Variants in PRDM6 observed in about 807,000 individuals in gnomAD.
The protein encoded by PRDM6 is PR/SET domain 6, also known as putative histone-lysine N-methyltransferase PRDM6.
Under a neutral mutation model 60.8 loss-of-function variants are expected in PRDM6, and 25 were observed. The ratio of observed to expected loss-of-function variants is 0.41; its 90% confidence interval spans 0.30 to 0.57. PRDM6 has a LOEUF of 0.57. PRDM6 is among the 20% of genes least tolerant of loss of function. The probability of loss-of-function intolerance (pLI) is 0.27; values close to 1 mark genes in which losing one functional copy is unlikely to be tolerated. For synonymous variants in PRDM6, 407 were observed against 357.4 expected (o/e 1.14, Z -1.57); for missense variants, 839 against 821.3 (o/e 1.02, Z -0.26).
At chr5:123,103,666 A>G (rs962832790) in intron 3 of PRDM6, among the ~76,000 whole-genome samples, 2 of 152,156 alleles carry the variant, frequency 1.3e-5, no homozygotes, top group South Asian at 2.1e-4. Context: ...ATCTAGTTGC[A>G]CACGGTTTCC....
At chr5:123,154,586 C>G (rs1459461826) in intron 3 of PRDM6, among the ~76,000 whole-genome samples, 2 of 152,152 alleles carry the variant, frequency 1.3e-5, no homozygotes, top group Non-Finnish European at 2.9e-5. Context: ...ACTGTCATCA[C>G]TAAGCCCGTT....
At chr5:123,181,198 G>T (rs926228560) in intron 7 of PRDM6, among the ~76,000 whole-genome samples, 1 of 152,152 alleles carries the variant, frequency 6.6e-6, no homozygotes, top group African/African-American at 2.4e-5. Flanking sequence ...GAGATACAAA[G>T]GTGAATGACA....
chr5:123,148,338 T>C (rs931072025), intron 3 of PRDM6, among the ~76,000 whole-genome samples: 2 of 152,208 alleles, frequency 1.3e-5, no homozygotes, highest in African/African-American at 4.8e-5. Context: ...TGAAGCCACA[T>C]TTTAGAATCT....
chr5:123,099,895 A>G lies in PRDM6; in HGVS notation c.834A>G (p.Gln278=), dbSNP rs2150207928. ...AAGGCACCTGGATTGGACCTTTCCA[A>G]GGCGTGCTTCTGCCCCCAGAGAAGG... ...IQQGTWIGPF[Q]GVLLPPEKVQ... is the part of the protein sequence containing the mutation. The change falls in exon 3 of 8, where the codon CAA becomes CAG. Residue 278 remains glutamine (Q), a synonymous_variant. Coordinates refer to ENST00000407847, the MANE Select transcript of PRDM6 (RefSeq NM_001136239.4). The surrounding 1 kb of genome is among the most constrained non-coding windows in gnomAD (Gnocchi z 4.0). 1 of 1,549,052 alleles carries G rather than the reference A, an allele frequency of 6.5e-7. No homozygotes were observed. Among genetic ancestry groups the G allele is most frequent in the East Asian group, 2.4e-5 (1 of 40,858 alleles).
chr5:123,155,754 C>A, intron 3 of PRDM6, 130 bp from the exon 4 acceptor site: 2 of 951,438 alleles, frequency 2.1e-6, no homozygotes, highest in Non-Finnish European at 3.0e-6. Context: ...TGTCCACAAG[C>A]ATCAATAAGC....
chr5:123,103,213 G>A (rs903969760), intron 3 of PRDM6, among the ~76,000 whole-genome samples: 1 of 150,982 alleles, frequency 6.6e-6, no homozygotes, highest in African/African-American at 2.4e-5. Context: ...TTCTTTTTTT[G>A]CAATAAGCCA....
intron 6 of PRDM6, among the ~76,000 whole-genome samples, chr5:123,175,615 C>T (rs9327286): frequency 0.3 from 45,615 of 151,996 alleles, 7,173 homozygotes; most frequent in East Asian, 0.59. Context: ...GTTCTTTTCT[C>T]ACTCCACCCA....
At chr5:123,138,451 T>C (rs753804319) in intron 3 of PRDM6, among the ~76,000 whole-genome samples, 1 of 152,256 alleles carries the variant, frequency 6.6e-6, no homozygotes, top group Non-Finnish European at 1.5e-5. Flanking sequence ...ACCTATATAA[T>C]CTCTGCTCTT....
chr5:123,098,934 G>T (rs1764028072), intron 2 of PRDM6, among the ~76,000 whole-genome samples: 2 of 151,154 alleles, frequency 1.3e-5, no homozygotes, highest in African/African-American at 4.9e-5. Context: ...CTGGGGCTGC[G>T]GCTCCTGCTC....
At chr5:123,095,038 C>A (rs1282498265) in intron 2 of PRDM6, among the ~76,000 whole-genome samples, 5 of 152,200 alleles carry the variant, frequency 3.3e-5, no homozygotes, top group Non-Finnish European at 7.3e-5. Context: ...GGGAGAGTTC[C>A]TGAGAGAATT....
rs1766432709 is a variant in PRDM6 at position 123,191,581 on chromosome 5, C to A, written c.*4380C>A. Reference sequence around the variant, plus strand: ...TTAAAAGATACTGAGATATATGCTTCTTTAAATGATAACTGTAAGTTCCAG... The same window carrying A: ...TTAAAAGATACTGAGATATATGCTTATTTAAATGATAACTGTAAGTTCCAG... On this transcript the variant is annotated 3_prime_UTR_variant, in exon 8 of 8. Transcript: ENST00000407847. 6.6e-6 allele frequency: 1 copy of A among 152,150 alleles called. No individual in the cohort carries two copies. The highest frequency in any genetic ancestry group is 1.5e-5 in the Non-Finnish European group (1 of 68,022). 9.4% of individuals were successfully genotyped at this position (152,150 alleles called of 1,614,324 possible). A position where few individuals can be genotyped will look rare whatever the true frequency, so the allele number is the denominator to read the frequency against.
intron 3 of PRDM6, among the ~76,000 whole-genome samples, chr5:123,141,281 A>T (rs189349843): frequency 6.6e-6 from 1 of 152,200 alleles, no homozygotes; most frequent in African/African-American, 2.4e-5. Flanking sequence ...AATTTTGAAG[A>T]AAATTTTCAA....
intron 5 of PRDM6, among the ~76,000 whole-genome samples, chr5:123,164,704 G>T (rs78491470): frequency 0.011 from 1,649 of 152,280 alleles, 28 homozygotes; most frequent in African/African-American, 0.037. Context: ...TGTTATGAGA[G>T]ATTTGACTTT....
chr5:123,111,525 C>G (rs904459267), intron 3 of PRDM6, among the ~76,000 whole-genome samples: 2 of 152,084 alleles, frequency 1.3e-5, no homozygotes, highest in Non-Finnish European at 2.9e-5. Flanking sequence ...GGTGAAACCC[C>G]GTCTTTACTA....
At chr5:123,159,114 AT>A (rs1765571020) in intron 4 of PRDM6, among the ~76,000 whole-genome samples, 1 of 152,230 alleles carries the variant, frequency 6.6e-6, no homozygotes, top group Non-Finnish European at 1.5e-5. Flanking sequence ...GCAATAATAC[AT>A]TTAATGCTTT....
In PRDM6 at chr5:123,106,534, G is replaced by A. The variant is rs537415569; in HGVS notation, c.900+6573G>A. On this transcript the variant is annotated intron_variant, in intron 3 of 7. Coordinates refer to ENST00000407847, the MANE Select transcript of PRDM6 (RefSeq NM_001136239.4). ...TCCAGTGCATTACAGTTCAATGACA[G>A]GTAATTTGTTCAAATTCCAAAACTG... Among the ~76,000 whole-genome samples, 6 of 152,338 alleles carry A rather than the reference G, an allele frequency of 3.9e-5. No homozygotes were observed. In the South Asian group the frequency reaches 1.2e-3, roughly 32 times the overall value.
chr5:123,115,032 G>C (rs1484251746), intron 3 of PRDM6, among the ~76,000 whole-genome samples: 1 of 152,160 alleles, frequency 6.6e-6, no homozygotes, highest in Non-Finnish European at 1.5e-5. Context: ...GACTGCTTGA[G>C]GTCTGCTTGG....
intron 3 of PRDM6, among the ~76,000 whole-genome samples, chr5:123,155,420 C>T (rs976441714): frequency 6.6e-6 from 1 of 151,810 alleles, no homozygotes; most frequent in Admixed American, 6.6e-5. Flanking sequence ...CTCCAACTGC[C>T]TTCTGCTGGG....
intron 3 of PRDM6, among the ~76,000 whole-genome samples, chr5:123,104,130 G>A (rs1764157620): frequency 6.6e-6 from 1 of 151,968 alleles, no homozygotes; most frequent in South Asian, 2.1e-4. Flanking sequence ...TTTAATAAGA[G>A]TTTTGCTGTT....
Sources: allele counts gnomAD v4.1 joint callset (sites outside exome capture counted in the v4.1 genomes callset), GRCh38; gene constraint gnomAD v4.1.1; non-coding constraint Gnocchi (gnomAD v3.1); transcripts MANE v1.5; gene names NCBI Gene and HGNC (gene_info 2026-07-23, HGNC 2026-07-21).